ST7: variants seen among roughly 807,000 people sequenced by gnomAD.
ST7 encodes suppression of tumorigenicity 7.
In ST7, 28 loss-of-function variants were observed where a neutral mutation model predicts 78.7. The ratio of observed to expected loss-of-function variants is 0.36; its 90% confidence interval spans 0.26 to 0.49. The LOEUF is 0.49. Ranked by LOEUF, ST7 falls within the 20% of genes least tolerant of loss-of-function variation. The probability of loss-of-function intolerance (pLI) is 0.99; values close to 1 mark genes in which losing one functional copy is unlikely to be tolerated. For missense variants in ST7, 418 were observed against 696.0 expected (o/e 0.60, Z 4.49); for synonymous variants, 247 against 249.6 (o/e 0.99, Z 0.10).
chr7:117,162,933 A>G (rs1054790927), intron 9 of ST7, among the ~76,000 whole-genome samples: 1 of 151,926 alleles, frequency 6.6e-6, no homozygotes, highest in African/African-American at 2.4e-5. Flanking sequence ...CCCTTCCCCT[A>G]TCCTTCCCAG....
intron 3 of ST7, among the ~76,000 whole-genome samples, chr7:117,127,672 A>G (rs1803968638): frequency 6.6e-6 from 1 of 151,946 alleles, no homozygotes; most frequent in Non-Finnish European, 1.5e-5. Context: ...TGCAGCACAC[A>G]TATATGACAC....
chr7:117,200,150 T>A (rs1810683516), intron 12 of ST7, among the ~76,000 whole-genome samples: 1 of 152,198 alleles, frequency 6.6e-6, no homozygotes, highest in Non-Finnish European at 1.5e-5. Context: ...AAATAATTTT[T>A]AACTTTTTTA....
At chr7:117,078,827 T>C (rs1799545854) in intron 1 of ST7, among the ~76,000 whole-genome samples, 1 of 152,236 alleles carries the variant, frequency 6.6e-6, no homozygotes, top group Non-Finnish European at 1.5e-5. Context: ...TAATTAGCTG[T>C]AACTCAGCAA....
chr7:117,124,099 T>A (rs1803626824), intron 3 of ST7, among the ~76,000 whole-genome samples: 1 of 152,112 alleles, frequency 6.6e-6, no homozygotes, highest in African/African-American at 2.4e-5. Context: ...TAAGTGCTGA[T>A]TAAATTCAGA....
intron 1 of ST7, among the ~76,000 whole-genome samples, chr7:117,022,459 C>A (rs896372978): frequency 6.6e-6 from 1 of 152,084 alleles, no homozygotes; most frequent in African/African-American, 2.4e-5. Flanking sequence ...AAAGAAGATT[C>A]CCTAAGTCTG....
rs148567226 is a variant in ST7, at chr7:117,029,756, A to ATT, written c.152-69995_152-69994dup. ...TAATATGAGGTAATGGTAAATGTTC[A>ATT]TTTTTTTTTTTTAGTGAAATGAATA... On this transcript the variant is annotated intron_variant, in intron 1 of 15. Transcript: ENST00000323984. Among the ~76,000 whole-genome samples the ATT allele has an allele frequency of 1.8e-3, 270 of 146,778 alleles. 1 individual carries two copies. Among genetic ancestry groups the ATT allele is most frequent in the South Asian group, 3.6e-3 (17 of 4,668 alleles).
At chr7:117,181,312 C>T (rs555133796) in intron 10 of ST7, among the ~76,000 whole-genome samples, 2 of 152,104 alleles carry the variant, frequency 1.3e-5, no homozygotes, top group South Asian at 4.1e-4. Context: ...ACTCTATTGT[C>T]CAAAAAAACA....
In ST7 at chr7:117,104,113, G is replaced by A. The variant is rs112946319; in HGVS notation, c.234+4269G>A. Among the ~76,000 whole-genome samples the A allele has an allele frequency of 6.8e-3, 1,037 of 152,230 alleles. 13 individuals carry two copies. The highest frequency in any genetic ancestry group is 0.022 in the African/African-American group (933 of 41,556). ...GGCCTCCTGAGTAGCTGGGACTGCA[G>A]GCATGTGCCACCGTGCCTGGCTAAT... On this transcript the variant is annotated intron_variant, in intron 2 of 15. Coordinates refer to ENST00000323984, the MANE Select transcript of ST7 (RefSeq NM_001369598.1).
chr7:117,118,648 G>C (rs1044061561), intron 2 of ST7, among the ~76,000 whole-genome samples: 8 of 152,130 alleles, frequency 5.3e-5, no homozygotes, highest in African/African-American at 1.9e-4. Flanking sequence ...TTCTTCTGTG[G>C]AATGATTTGT....
intron 1 of ST7, among the ~76,000 whole-genome samples, chr7:116,986,580 A>G (rs1794200798): frequency 6.6e-6 from 1 of 152,182 alleles, no homozygotes; most frequent in African/African-American, 2.4e-5. Flanking sequence ...ACTGATAAAT[A>G]CCATATTCTT....
intron 10 of ST7, among the ~76,000 whole-genome samples, chr7:117,181,377 T>C (rs965781170): frequency 1.3e-5 from 2 of 152,184 alleles, no homozygotes; most frequent in African/African-American, 4.8e-5. Flanking sequence ...CATTATGGGA[T>C]AGTGACAAGG....
intron 9 of ST7, among the ~76,000 whole-genome samples, chr7:117,139,578 G>A (rs1160826683): frequency 6.6e-6 from 1 of 152,092 alleles, no homozygotes; most frequent in Non-Finnish European, 1.5e-5. Flanking sequence ...ACAGCATGAT[G>A]TGAGAAGGCC....
At chr7:117,034,231 G>C (rs900138907) in intron 1 of ST7, among the ~76,000 whole-genome samples, 2 of 152,170 alleles carry the variant, frequency 1.3e-5, no homozygotes, top group African/African-American at 4.8e-5. Flanking sequence ...GAGCCACTGT[G>C]CCTGGCCTGC....
chr7:117,038,296 C>A (rs1797002258), intron 1 of ST7, among the ~76,000 whole-genome samples: 1 of 152,144 alleles, frequency 6.6e-6, no homozygotes, highest in African/African-American at 2.4e-5. Flanking sequence ...TTGATTAACA[C>A]CTAGTGATGC....
chr7:116,956,702 C>T, intron 1 of ST7: 1 of 466,324 alleles, frequency 2.1e-6, no homozygotes, highest in Non-Finnish European at 4.4e-6. Flanking sequence ...CAATTTTAAT[C>T]CTCATTTGAT....
At chr7:117,098,103 A>T (rs1219421540) in intron 1 of ST7, among the ~76,000 whole-genome samples, 2 of 150,886 alleles carry the variant, frequency 1.3e-5, no homozygotes, top group African/African-American at 4.9e-5. Context: ...GTGATTGCAG[A>T]TGAAATACCA....
At chr7:117,175,743 A>C (rs546254953) in intron 10 of ST7, among the ~76,000 whole-genome samples, 16 of 152,344 alleles carry the variant, frequency 1.1e-4, no homozygotes, top group Admixed American at 5.9e-4. Flanking sequence ...AATCTATGTT[A>C]AGTGTCAAGA....
chr7:117,220,591 G>A (rs1325194558), intron 14 of ST7, among the ~76,000 whole-genome samples: 2 of 152,184 alleles, frequency 1.3e-5, no homozygotes, highest in African/African-American at 4.8e-5. Flanking sequence ...ACCTTATAGG[G>A]ATAATCTTTA....
chr7:117,039,724 G>A (rs1220727223), intron 1 of ST7, among the ~76,000 whole-genome samples: 1 of 151,890 alleles, frequency 6.6e-6, no homozygotes. Context: ...TTATGTTAAG[G>A]TGGCTGAAAA....
Sources: allele counts gnomAD v4.1 joint callset (sites outside exome capture counted in the v4.1 genomes callset), GRCh38; gene constraint gnomAD v4.1.1; transcripts MANE v1.5; gene names NCBI Gene and HGNC (gene_info 2026-07-23, HGNC 2026-07-21).